CWH43: variants seen among roughly 807,000 people sequenced by gnomAD.
The protein encoded by CWH43 is cell wall biogenesis 43 C-terminal homolog.
In CWH43, 91 loss-of-function variants were observed where a neutral mutation model predicts 85.7. That is an observed-to-expected ratio of 1.06 (90% CI 0.90 to 1.26). The LOEUF (loss-of-function observed/expected upper bound fraction) is 1.26, where lower values mean the gene tolerates loss of function less well. CWH43 is among the 50% of genes most tolerant of loss of function. The pLI, the probability that CWH43 is intolerant of heterozygous loss-of-function variation, is 0.00. For missense variants in CWH43, 869 were observed against 839.2 expected (o/e 1.04, Z -0.44); for synonymous variants, 323 against 293.6 (o/e 1.10, Z -1.02).
At chr4:49,043,986 T>A (rs1784546927) in intron 13 of CWH43, among the ~76,000 whole-genome samples, 2 of 152,134 alleles carry the variant, frequency 1.3e-5, no homozygotes, top group African/African-American at 4.8e-5. Context: ...AATTGTGATG[T>A]ATTCTTTTAG....
chr4:49,016,579 T>C lies in CWH43; in HGVS notation c.1187-670T>C, dbSNP rs939761586. 2.4e-5 allele frequency: 17 copies of C among 713,664 alleles called. No homozygotes were observed. In the African/African-American group the frequency reaches 2.6e-4, roughly 11 times the overall value. The allele number at this position is 713,664 out of a possible 1,614,324, so 44.2% of individuals were successfully genotyped here. A position where few individuals can be genotyped will look rare whatever the true frequency, so the allele number is the denominator to read the frequency against. On this transcript the variant is annotated intron_variant, in intron 8 of 15. Coordinates refer to ENST00000226432, the MANE Select transcript of CWH43 (RefSeq NM_025087.3). Reference sequence around the variant, plus strand: ...TCTCAACCATTACAGGGTGAAGATATAAACAGTAAAGGAAGGTACAGTTTG... The same window carrying C: ...TCTCAACCATTACAGGGTGAAGATACAAACAGTAAAGGAAGGTACAGTTTG...
At chr4:49,059,972 A>G (rs895603088) in intron 15 of CWH43, among the ~76,000 whole-genome samples, 1 of 152,048 alleles carries the variant, frequency 6.6e-6, no homozygotes, top group African/African-American at 2.4e-5. Context: ...CTCCTATGTT[A>G]AACTCAGTGC....
chr4:49,060,996 T>A (rs1400965244), intron 15 of CWH43, among the ~76,000 whole-genome samples: 1 of 152,340 alleles, frequency 6.6e-6, no homozygotes, highest in African/African-American at 2.4e-5. Context: ...TAAAGTATTC[T>A]TCTTAAAATA....
At chr4:49,037,376 C>A (rs1784291903) in intron 12 of CWH43, among the ~76,000 whole-genome samples, 1 of 152,142 alleles carries the variant, frequency 6.6e-6, no homozygotes, top group African/African-American at 2.4e-5. Flanking sequence ...TCAAGACCAG[C>A]CTGCCCAACA....
chr4:49,038,218 A>T, intron 13 of CWH43, 38 bp downstream of exon 13: 1 of 1,459,644 alleles, frequency 6.9e-7, no homozygotes, highest in South Asian at 1.4e-5. Flanking sequence ...TTTATTAAGT[A>T]AAACATTTCT....
chr4:49,029,320 T>C (rs1489406946), intron 10 of CWH43, among the ~76,000 whole-genome samples: 1 of 152,146 alleles, frequency 6.6e-6, no homozygotes, highest in Non-Finnish European at 1.5e-5. Context: ...GTTAACAATA[T>C]GTTTACAGGC....
At chr4:48,989,922 G>A (rs1425651197) in intron 2 of CWH43, among the ~76,000 whole-genome samples, 1 of 152,162 alleles carries the variant, frequency 6.6e-6, no homozygotes, top group Non-Finnish European at 1.5e-5. Context: ...ACTGGCATTG[G>A]CTTACAGTAT....
chr4:49,010,462 TG>T (rs1783319524), intron 8 of CWH43, among the ~76,000 whole-genome samples: 1 of 152,236 alleles, frequency 6.6e-6, no homozygotes, highest in Non-Finnish European at 1.5e-5. Flanking sequence ...AGGATTTTTG[TG>T]TCTCTATCTC....
In CWH43 at chr4:49,028,691, G is replaced by A. The variant is rs762054859; in HGVS notation, c.1329G>A (p.Gly443=). The part of the protein sequence containing the change: ...WPFRFGYDNE[G]WSSLERSAHL... ...TCAGGTTTGGATATGACAATGAAGGGTGGTCTAGTCTAGAAAGATCAGCTC... is the reference window on the plus strand; with the variant it reads ...TCAGGTTTGGATATGACAATGAAGGATGGTCTAGTCTAGAAAGATCAGCTC... The change falls in exon 10 of 16, where the codon GGG becomes GGA. Residue 443 remains glycine (G), a synonymous_variant. Coordinates refer to ENST00000226432, the MANE Select transcript of CWH43 (RefSeq NM_025087.3). 41 of 1,613,754 alleles carry A rather than the reference G, an allele frequency of 2.5e-5. No individual in the cohort carries two copies. Among genetic ancestry groups the A allele is most frequent in the Non-Finnish European group, 3.4e-5 (40 of 1,179,804 alleles).
chr4:49,035,846 G>A (rs1288097970), intron 12 of CWH43, among the ~76,000 whole-genome samples: 1 of 152,098 alleles, frequency 6.6e-6, no homozygotes, highest in African/African-American at 2.4e-5. Context: ...ATATTGGATT[G>A]AAAACACTGC....
At position 49,061,848 on chromosome 4, in the gene CWH43, C is replaced by A; in HGVS notation, c.2058C>A (p.Asn686Lys). 7.2e-7 allele frequency: 1 copy of A among 1,394,844 alleles called. No individual in the cohort carries two copies. Among genetic ancestry groups the A allele is most frequent in the Non-Finnish European group, 9.5e-7 (1 of 1,049,616 alleles). 86.4% of individuals were successfully genotyped at this position (1,394,844 alleles called of 1,614,324 possible). ...GSYKEGHNYE[N>K]NHHFHMNTPK... ...ACAAAGAAGGACACAATTATGAAAA[C>A]AACCATCATTTTCATATGAATACTC... Residue 686 changes from asparagine (N) to lysine (K), a missense_variant, in exon 16 of 16, where the codon AAC becomes AAA. Asn to Lys is a moderately conservative substitution (Grantham distance 94). This residue lies in a region of CWH43 where 577 missense variants were observed against 513.1 expected (regional missense o/e 1.12). Coordinates refer to ENST00000226432, the MANE Select transcript of CWH43 (RefSeq NM_025087.3).
chr4:48,986,639 A>C (rs1472843047), intron 1 of CWH43, 167 bp downstream of exon 1: 4 of 1,417,952 alleles, frequency 2.8e-6, no homozygotes, highest in Non-Finnish European at 1.8e-6. Context: ...TACTGAAGGG[A>C]ATAAAGGAAA....
At chr4:49,037,177 C>T (rs1435169857) in intron 12 of CWH43, among the ~76,000 whole-genome samples, 2 of 152,192 alleles carry the variant, frequency 1.3e-5, no homozygotes, top group African/African-American at 4.8e-5. Context: ...GCTTGATGTA[C>T]CCACCTAAGT....
intron 6 of CWH43, 172 bp from the exon 7 acceptor site, chr4:49,003,563 G>T: frequency 1.6e-6 from 1 of 627,960 alleles, no homozygotes; most frequent in South Asian, 2.2e-5. Context: ...ACAATAACTG[G>T]CTGTGTGACA....
intron 8 of CWH43, among the ~76,000 whole-genome samples, chr4:49,007,543 G>A (rs113178335): frequency 0.015 from 2,256 of 152,186 alleles, 25 homozygotes; most frequent in Middle Eastern, 0.044. Flanking sequence ...TGTTACATAG[G>A]TATACATGTG....
At chr4:49,056,072 G>A (rs1209837936) in intron 15 of CWH43, among the ~76,000 whole-genome samples, 1 of 49,790 alleles carries the variant, frequency 2.0e-5, no homozygotes, top group African/African-American at 8.9e-5. Flanking sequence ...CCCCTCCCCC[G>A]ACCCCACCAC....
chr4:49,042,682 C>A (rs1214836657), intron 13 of CWH43, among the ~76,000 whole-genome samples: 1 of 152,050 alleles, frequency 6.6e-6, no homozygotes, highest in Non-Finnish European at 1.5e-5. Flanking sequence ...GAAGGAAGAC[C>A]AAATAAAGCC....
At chr4:49,003,323 A>G (rs533181473) in intron 6 of CWH43, among the ~76,000 whole-genome samples, 1 of 152,318 alleles carries the variant, frequency 6.6e-6, no homozygotes, top group African/African-American at 2.4e-5. Flanking sequence ...AAGCCCCTTA[A>G]CAGAGGTGTT....
Position 49,007,373 on chromosome 4 carries a change from C to G in CWH43, c.1186+47C>G, listed in dbSNP as rs768458618. On this transcript the variant is annotated intron_variant, in intron 8 of 15. Transcript: ENST00000226432. ...TAAAAAAAATTAATTATATAAAATT[C>G]TAAACGTATGAAATTAAAGAGTATA... The G allele has an allele frequency of 7.5e-6, 11 of 1,465,126 alleles. No individual in the cohort carries two copies. In the African/African-American group the frequency reaches 1.4e-4, roughly 19 times the overall value. 90.8% of individuals were successfully genotyped at this position (1,465,126 alleles called of 1,614,324 possible). A position where few individuals can be genotyped will look rare whatever the true frequency, so the allele number is the denominator to read the frequency against.
Sources: gnomAD v4.1 joint callset for allele counts (sites outside exome capture counted in the v4.1 genomes callset) on GRCh38, gnomAD v4.1.1 for gene constraint, gnomAD v4.1.1 regional missense constraint, MANE v1.5 for transcripts, NCBI Gene and HGNC (gene_info 2026-07-23, HGNC 2026-07-21) for gene names.